PRIM2: variants seen among roughly 807,000 people sequenced by gnomAD.
PRIM2 encodes DNA primase large subunit.
Under a neutral mutation model 67.3 loss-of-function variants are expected in PRIM2, and 39 were observed. The observed-to-expected ratio is 0.58, with a 90% CI of 0.45 to 0.76. PRIM2 has a LOEUF of 0.76. PRIM2 is among the 30% of genes least tolerant of loss of function. The pLI is 0.00. For missense variants in PRIM2, 398 were observed against 598.7 expected (o/e 0.66, Z 3.50); for synonymous variants, 143 against 198.7 (o/e 0.72, Z 2.36).
chr6:57,399,407 A>G (rs1408342599), intron 7 of PRIM2, among the ~76,000 whole-genome samples: 3 of 152,210 alleles, frequency 2.0e-5, no homozygotes, highest in African/African-American at 7.2e-5. Flanking sequence ...TCCATGGTGT[A>G]CATGTGCCAC....
In PRIM2 at chr6:57,468,471, G is replaced by T. The variant is rs1280399507; in HGVS notation, c.694-38916G>T. ...TGTTGAACCAGCCTTGCATCCCAGG[G>T]ATGAAGCCAAGTTTATTGTGCTGTA... On this transcript the variant is annotated intron_variant, in intron 7 of 13. Transcript: ENST00000615550. 3.3e-5 allele frequency among the ~76,000 whole-genome samples: 5 copies of T among 152,274 alleles called. No homozygotes were observed. In the South Asian group the frequency reaches 1.0e-3, roughly 32 times the overall value.
chr6:57,397,922 A>T, intron 7 of PRIM2, among the ~76,000 whole-genome samples: 1 of 116,262 alleles, frequency 8.6e-6, no homozygotes. Context: ...TTTGAGACGG[A>T]GTCTTGCTCT....
the PRIM2 span, among the ~76,000 whole-genome samples, chr6:57,234,831 T>C: frequency 2.6e-5 from 4 of 152,168 alleles, no homozygotes; most frequent in African/African-American, 9.7e-5. Flanking sequence ...CCCTGATGTG[T>C]TTTATTAATT....
chr6:57,401,906 C>A (rs1237339074), intron 7 of PRIM2, among the ~76,000 whole-genome samples: 2 of 152,152 alleles, frequency 1.3e-5, no homozygotes, highest in African/African-American at 4.8e-5. Context: ...AGGGTCTTTG[C>A]TCCTTCATTA....
chr6:57,296,189 T>C, the PRIM2 span, among the ~76,000 whole-genome samples: 1 of 152,174 alleles, frequency 6.6e-6, no homozygotes, highest in Non-Finnish European at 1.5e-5. Flanking sequence ...ACATGCTGTA[T>C]GGCTAAAAGA....
chr6:57,439,762 G>T (rs1385250514), intron 7 of PRIM2, among the ~76,000 whole-genome samples: 3 of 151,972 alleles, frequency 2.0e-5, no homozygotes, highest in Non-Finnish European at 4.4e-5. Context: ...TGTTATTTCA[G>T]ATTATGTAAA....
the PRIM2 span, among the ~76,000 whole-genome samples, chr6:57,235,621 A>G: frequency 8.5e-5 from 13 of 152,250 alleles, no homozygotes; most frequent in African/African-American, 3.1e-4. Flanking sequence ...TCCACATCTT[A>G]TCCTTGAAAC....
At chr6:57,586,472 G>A (rs1276023483) in intron 10 of PRIM2, among the ~76,000 whole-genome samples, 1 of 152,164 alleles carries the variant, frequency 6.6e-6, no homozygotes, top group Non-Finnish European at 1.5e-5. Flanking sequence ...GGCTGGAGAA[G>A]TGTAATGACA....
chr6:57,249,688 G>C, the PRIM2 span, among the ~76,000 whole-genome samples: 4 of 152,322 alleles, frequency 2.6e-5, no homozygotes, highest in East Asian at 7.7e-4. Context: ...GTTGCAGTGA[G>C]CTGAGACCAT....
At chr6:57,276,143 A>G in the PRIM2 span, among the ~76,000 whole-genome samples, 1 of 152,148 alleles carries the variant, frequency 6.6e-6, no homozygotes. Flanking sequence ...TAATCCCAGC[A>G]CTTTGGGAGG....
chr6:57,268,623 T>C, the PRIM2 span, among the ~76,000 whole-genome samples: 1 of 151,974 alleles, frequency 6.6e-6, no homozygotes, highest in Non-Finnish European at 1.5e-5. Flanking sequence ...CACATTTACT[T>C]ATTTATTTTT....
intron 10 of PRIM2, among the ~76,000 whole-genome samples, chr6:57,547,202 C>A (rs1328717147): frequency 6.6e-6 from 1 of 151,958 alleles, no homozygotes; most frequent in Non-Finnish European, 1.5e-5. Flanking sequence ...AAAAGCATCA[C>A]CCTGGGTGCA....
chr6:57,420,750 G>A (rs550752989), intron 7 of PRIM2, among the ~76,000 whole-genome samples: 5 of 152,320 alleles, frequency 3.3e-5, no homozygotes, highest in African/African-American at 9.6e-5. Flanking sequence ...GTGAATTGGA[G>A]GAGGAAGGAA....
rs1458888039 is a variant in PRIM2, at chr6:57,475,894, C to T, written c.694-31493C>T. Among the ~76,000 whole-genome samples, 459 of 152,254 alleles carry T rather than the reference C, an allele frequency of 3.0e-3. 2 individuals carry two copies. Among genetic ancestry groups the T allele is most frequent in the Non-Finnish European group, 5.0e-3 (337 of 68,016 alleles). On this transcript the variant is annotated intron_variant, in intron 7 of 13. Transcript: ENST00000615550. ...CCTCTAGGGATGTTGAAATATGAAG[C>T]AATCTGTGTCTGTGCCCTAAGTGTG...
At chr6:57,359,797 G>A (rs1179013452) in intron 5 of PRIM2, among the ~76,000 whole-genome samples, 1 of 152,136 alleles carries the variant, frequency 6.6e-6, no homozygotes, top group Non-Finnish European at 1.5e-5. Context: ...CAACTCTGAG[G>A]AGCCCAGATT....
chr6:57,373,521 CT>C (rs1275479510), intron 5 of PRIM2, among the ~76,000 whole-genome samples: 3 of 152,106 alleles, frequency 2.0e-5, no homozygotes, highest in Non-Finnish European at 4.4e-5. Context: ...ATCATGAAAT[CT>C]TTGCCTGTGC....
At chr6:57,588,219 A>T (rs1436432401) in intron 10 of PRIM2, among the ~76,000 whole-genome samples, 1 of 151,974 alleles carries the variant, frequency 6.6e-6, no homozygotes. Flanking sequence ...CTTTCCACAC[A>T]AGTTTACTGG....
At chr6:57,454,312 A>C (rs1406155301) in intron 7 of PRIM2, among the ~76,000 whole-genome samples, 1 of 152,194 alleles carries the variant, frequency 6.6e-6, no homozygotes, top group African/African-American at 2.4e-5. Context: ...AAAATGAGTT[A>C]GGGAGGATTC....
intron 4 of PRIM2, 50 bp from the exon 5 acceptor site, chr6:57,325,875 A>G (rs928409546): frequency 2.7e-6 from 4 of 1,500,536 alleles, no homozygotes; most frequent in Non-Finnish European, 3.6e-6. Flanking sequence ...CTTAGATTTA[A>G]TAATTACTGG....
Sources: gnomAD v4.1 joint callset for allele counts (sites outside exome capture counted in the v4.1 genomes callset) on GRCh38, gnomAD v4.1.1 for gene constraint, MANE v1.5 for transcripts, NCBI Gene and HGNC (gene_info 2026-07-23, HGNC 2026-07-21) for gene names.